Variants in PSD3 observed in about 807,000 individuals in gnomAD.
PSD3 encodes the protein pleckstrin and Sec7 domain containing 3.
Under a neutral mutation model 105.5 loss-of-function variants are expected in PSD3, and 49 were observed. That is an observed-to-expected ratio of 0.46 (90% CI 0.37 to 0.59). The LOEUF (loss-of-function observed/expected upper bound fraction) is 0.59. PSD3 is among the 20% of genes least tolerant of loss of function. The pLI is 0.00. For missense variants in PSD3, 1,561 were observed against 1,263.8 expected (o/e 1.24, Z -3.57); for synonymous variants, 557 against 457.8 (o/e 1.22, Z -2.77).
chr8:18,964,711 A>G (rs1254753150), intron 1 of PSD3, among the ~76,000 whole-genome samples: 1 of 152,102 alleles, frequency 6.6e-6, no homozygotes, highest in Non-Finnish European at 1.5e-5. Flanking sequence ...GGCACAAAAG[A>G]TCCTGCGTCT....
At chr8:19,032,059 C>T (rs540534099) in intron 1 of PSD3, among the ~76,000 whole-genome samples, 2 of 152,264 alleles carry the variant, frequency 1.3e-5, no homozygotes, top group South Asian at 4.1e-4. Flanking sequence ...GCTCAGGCCT[C>T]TGAACACCTG....
Position 18,620,022 on chromosome 8 carries a change from G to A in PSD3, c.2410+12591C>T, listed in dbSNP as rs138153128. 4.1e-4 allele frequency among the ~76,000 whole-genome samples: 63 copies of A among 152,220 alleles called. 1 individual carries two copies. In the Middle Eastern group the frequency reaches 0.014, roughly 33 times the overall value. ...AGAGACATTTATAGTCTGTTTCTCTGAGGGCTGCCACCCATGAGGCTGCTT... is the reference window on the plus strand; with the variant it reads ...AGAGACATTTATAGTCTGTTTCTCTAAGGGCTGCCACCCATGAGGCTGCTT... On this transcript the variant is annotated intron_variant, in intron 11 of 15. Transcript: ENST00000327040.
chr8:18,558,254 G>A (rs1230890099), intron 14 of PSD3, among the ~76,000 whole-genome samples: 2 of 152,204 alleles, frequency 1.3e-5, no homozygotes, highest in Admixed American at 1.3e-4. Flanking sequence ...TGTATTTATT[G>A]CAATATGTAA....
upstream of PSD3, among the ~76,000 whole-genome samples, chr8:19,016,832 G>T (rs559290420): frequency 5.3e-4 from 80 of 152,158 alleles, 1 homozygote; most frequent in South Asian, 0.016. Flanking sequence ...GAAGCAAATG[G>T]GGTCCAAACT....
intron 10 of PSD3, among the ~76,000 whole-genome samples, chr8:18,633,899 C>G (rs913776986): frequency 1.3e-5 from 2 of 152,080 alleles, no homozygotes; most frequent in African/African-American, 4.8e-5. Flanking sequence ...TAAGTGTTCC[C>G]TTTTCTCTGC....
intron 9 of PSD3, among the ~76,000 whole-genome samples, chr8:18,667,774 C>A (rs964447537): frequency 1.3e-5 from 2 of 152,122 alleles, no homozygotes; most frequent in Non-Finnish European, 2.9e-5. Context: ...GAGCCCATGG[C>A]GGGGTGGGGG....
At chr8:18,602,922 G>A (rs566618644) in intron 11 of PSD3, among the ~76,000 whole-genome samples, 2 of 152,152 alleles carry the variant, frequency 1.3e-5, no homozygotes, top group Admixed American at 6.5e-5. Context: ...TTCACAGCAC[G>A]TGTGTTTTAT....
At chr8:18,605,740 C>T (rs1413708926) in intron 11 of PSD3, among the ~76,000 whole-genome samples, 1 of 152,094 alleles carries the variant, frequency 6.6e-6, no homozygotes, top group African/African-American at 2.4e-5. Flanking sequence ...GATCATGATT[C>T]ATCAATGGTT....
At chr8:18,562,818 G>A (rs929067626) in intron 14 of PSD3, among the ~76,000 whole-genome samples, 11 of 152,174 alleles carry the variant, frequency 7.2e-5, no homozygotes, top group Middle Eastern at 3.4e-3. Context: ...GAACCTGGGA[G>A]GCGGAGGTTG....
intron 2 of PSD3, among the ~76,000 whole-genome samples, chr8:18,890,865 C>T (rs1818742373): frequency 6.6e-6 from 1 of 152,114 alleles, no homozygotes; most frequent in South Asian, 2.1e-4. Context: ...GGCAGAAAGT[C>T]ACAATGAACA....
chr8:18,570,655 G>C (rs1170067975), intron 14 of PSD3, among the ~76,000 whole-genome samples: 1 of 147,120 alleles, frequency 6.8e-6, no homozygotes, highest in African/African-American at 2.5e-5. Flanking sequence ...ATCAAAAAGT[G>C]GGCGAAGGAC....
chr8:18,864,823 C>T (rs1164033826), intron 4 of PSD3: 1 of 152,094 alleles, frequency 6.6e-6, no homozygotes, highest in African/African-American at 2.4e-5. Context: ...TCAATGTCCA[C>T]TTCCTTGCCT....
chr8:19,035,288 AT>A (rs1256719205), intron 1 of PSD3, among the ~76,000 whole-genome samples: 1 of 152,176 alleles, frequency 6.6e-6, no homozygotes, highest in Non-Finnish European at 1.5e-5. Context: ...GGATACAACC[AT>A]TTCTGTGTAT....
chr8:18,577,939 T>C (rs1802562939), intron 12 of PSD3, among the ~76,000 whole-genome samples: 1 of 152,038 alleles, frequency 6.6e-6, no homozygotes, highest in Admixed American at 6.6e-5. Context: ...AGTATTTTCT[T>C]TAGGTAGGTG....
intron 6 of PSD3, among the ~76,000 whole-genome samples, chr8:18,802,886 C>G (rs1387026832): frequency 6.6e-6 from 1 of 152,170 alleles, no homozygotes; most frequent in Non-Finnish European, 1.5e-5. Flanking sequence ...TTGAAAAGGT[C>G]AGAAAAAGTG....
At chr8:18,933,924 A>G (rs545702317) in intron 2 of PSD3, among the ~76,000 whole-genome samples, 1 of 152,264 alleles carries the variant, frequency 6.6e-6, no homozygotes, top group Non-Finnish European at 1.5e-5. Context: ...ATACATGTTA[A>G]GTATAAGAGA....
intron 9 of PSD3, among the ~76,000 whole-genome samples, chr8:18,671,617 T>C (rs1223691472): frequency 2.6e-5 from 4 of 151,786 alleles, no homozygotes; most frequent in Non-Finnish European, 5.9e-5. Flanking sequence ...AGTCATCTCC[T>C]GATTTTGTTT....
intron 4 of PSD3, among the ~76,000 whole-genome samples, chr8:18,858,230 C>T (rs531703765): frequency 1.1e-4 from 17 of 152,286 alleles, no homozygotes; most frequent in African/African-American, 2.4e-4. Flanking sequence ...GTTAGGTTTA[C>T]GCTGTAGTTT....
intron 9 of PSD3, among the ~76,000 whole-genome samples, chr8:18,688,864 G>A (rs1054336765): frequency 6.6e-6 from 1 of 152,206 alleles, no homozygotes; most frequent in Non-Finnish European, 1.5e-5. Context: ...ATAAAAGCAG[G>A]CTTCCTGGAG....
Sources: gnomAD v4.1 joint callset for allele counts (sites outside exome capture counted in the v4.1 genomes callset) on GRCh38, gnomAD v4.1.1 for gene constraint, MANE v1.5 for transcripts, NCBI Gene and HGNC (gene_info 2026-07-23, HGNC 2026-07-21) for gene names.